The following POLR3A variants were observed in gnomAD, a reference collection of about 807,000 sequenced individuals.
POLR3A encodes the protein DNA-directed RNA polymerase III subunit RPC1.
Under a neutral mutation model 152.8 loss-of-function variants are expected in POLR3A, and 112 were observed. That is an observed-to-expected ratio of 0.73 (90% CI 0.63 to 0.86). The LOEUF (loss-of-function observed/expected upper bound fraction) is 0.86, where lower values mean the gene tolerates loss of function less well. Ranked by LOEUF, POLR3A falls within the 40% of genes least tolerant of loss-of-function variation. The pLI is 0.00. For missense variants in POLR3A, 1,385 were observed against 1,743.1 expected, an observed-to-expected ratio of 0.79 and a Z score of 3.66; for synonymous variants, 615 against 652.1, an observed-to-expected ratio of 0.94 and a Z score of 0.87.
At chr10:78,007,679 A>G in intron 15 of POLR3A, 23 bp downstream of exon 15, 1 of 1,609,172 alleles carries the variant, frequency 6.2e-7, no homozygotes, top group South Asian at 1.1e-5. Context: ...CTTTAACTAA[A>G]AGAAGGATGC....
At chr10:77,992,438 C>CTTTTTTTTTTTTTTTTTTTTTTTTT (rs71030926) in intron 20 of POLR3A, among the ~76,000 whole-genome samples, 3 of 76,540 alleles carry the variant, frequency 3.9e-5, no homozygotes, top group African/African-American at 5.2e-5. Flanking sequence ...CTGGCTAATT[C>CTTTTTTTTTTTTTTTTTTTTTTTTT]TTTTTTTTTT....
At chr10:77,982,541 G>A in intron 27 of POLR3A, 112 bp downstream of exon 27, 1 of 1,040,748 alleles carries the variant, frequency 9.6e-7, no homozygotes, top group Non-Finnish European at 1.5e-6. Flanking sequence ...TGGGGATAAG[G>A]CCAAGAAGAA....
At chr10:77,993,151 A>C (rs1408718577) in intron 20 of POLR3A, 46 bp downstream of exon 20, 2 of 1,466,322 alleles carry the variant, frequency 1.4e-6, no homozygotes, top group Non-Finnish European at 1.9e-6. Context: ...TCCTAAAGAA[A>C]CATCCTTAAA....
chr10:77,980,306 T>A, intron 29 of POLR3A, 33 bp from the exon 30 acceptor site: 1 of 1,611,570 alleles, frequency 6.2e-7, no homozygotes, highest in Non-Finnish European at 8.5e-7. Flanking sequence ...ACGGTGGTAC[T>A]CACACCAATG....
chr10:78,000,350 G>A (rs1259416651), intron 18 of POLR3A, among the ~76,000 whole-genome samples: 1 of 152,228 alleles, frequency 6.6e-6, no homozygotes, highest in South Asian at 2.1e-4. Flanking sequence ...TGGCAGGCAA[G>A]TGGCCCAAGA....
At chr10:78,004,560 C>T (rs1847391887) in intron 16 of POLR3A, among the ~76,000 whole-genome samples, 156 bp downstream of exon 16, 1 of 152,134 alleles carries the variant, frequency 6.6e-6, no homozygotes, top group South Asian at 2.1e-4. Context: ...CGAGGACATA[C>T]ACAGTGAGCC....
chr10:77,994,537 G>T (rs548569055), intron 19 of POLR3A, among the ~76,000 whole-genome samples: 3 of 151,194 alleles, frequency 2.0e-5, no homozygotes, highest in Non-Finnish European at 4.4e-5. Flanking sequence ...TAGCCAATGC[G>T]ATCAACTGGA....
chr10:77,980,102 A>T, intron 30 of POLR3A, 39 bp downstream of exon 30: 1 of 1,594,326 alleles, frequency 6.3e-7, no homozygotes, highest in Non-Finnish European at 8.6e-7. Flanking sequence ...TGTAAATAGT[A>T]AAGGCCTTTG....
intron 28 of POLR3A, 61 bp from the exon 29 acceptor site, chr10:77,981,620 C>G (rs1437128430): frequency 1.3e-6 from 2 of 1,576,326 alleles, no homozygotes; most frequent in Non-Finnish European, 1.7e-6. Context: ...CAAATTCTCT[C>G]CACTTTCTCC....
rs557203539 is a variant in POLR3A, at chr10:77,984,259, G to T, written c.3282C>A (p.Asp1094Glu). 5 of 1,613,186 alleles carry T rather than the reference G, an allele frequency of 3.1e-6. No individual in the cohort carries two copies. In the South Asian group the frequency reaches 4.4e-5, roughly 14 times the overall value. ...IITAQLDKDD[D>E]ADYARLVKGR... is the part of the protein sequence containing the mutation. ...CTTTCACGAGGCGAGCATAATCCGC[G>T]TCGTCATCCTTGTCTAGCTGTGCTG... Residue 1094 changes from aspartate (D) to glutamate (E), a missense_variant, in exon 25 of 31, where the codon GAC becomes GAA. By Grantham distance (45) the Asp-to-Glu change is conservative. Around this residue, in one of 7 missense-constraint regions of POLR3A, gnomAD observed 332 missense variants for 400.1 expected, o/e 0.83. Coordinates refer to ENST00000372371, the MANE Select transcript of POLR3A (RefSeq NM_007055.4).
intron 16 of POLR3A, among the ~76,000 whole-genome samples, chr10:78,002,658 A>C (rs1847368847): frequency 1.3e-5 from 2 of 152,136 alleles, no homozygotes; most frequent in Non-Finnish European, 2.9e-5. Context: ...CAGACCCCTG[A>C]GTAGCTAGGA....
Position 78,009,639 on chromosome 10 carries a change from C to A in POLR3A, c.1807G>T (p.Val603Phe). ...TTGTCATCGCTAGGCCTGAGGATGA[C>A]ACTGAAGATCTGCTTTCCCGTCCAC... ...TLWTGKQIFS[V>F]ILRPSDDNPV... The change falls in exon 14 of 31, where the codon GTC (valine) becomes TTC (phenylalanine). Residue 603 changes from valine (V) to phenylalanine (F), a missense_variant. Transcript: ENST00000372371. 1 of 1,614,172 alleles carries A rather than the reference C, an allele frequency of 6.2e-7. No individual in the cohort carries two copies. The highest frequency in any genetic ancestry group is 8.5e-7 in the Non-Finnish European group (1 of 1,180,034).
chr10:78,009,186 C>T (rs955687972), intron 14 of POLR3A, among the ~76,000 whole-genome samples: 1 of 149,104 alleles, frequency 6.7e-6, no homozygotes, highest in Non-Finnish European at 1.5e-5. Flanking sequence ...AAATTAAATG[C>T]CTTAAATAGT....
chr10:77,991,237 C>G (rs1847245512), intron 20 of POLR3A, 70 bp from the exon 21 acceptor site: 4 of 869,320 alleles, frequency 4.6e-6, no homozygotes, highest in South Asian at 1.3e-5. Context: ...GATGAGAGAA[C>G]TTACAAAGGA....
chr10:78,020,963 T>C (rs978012531), intron 8 of POLR3A, among the ~76,000 whole-genome samples: 2 of 152,264 alleles, frequency 1.3e-5, no homozygotes, highest in East Asian at 3.9e-4. Flanking sequence ...TGAACCAACA[T>C]AGAAAAGTGT....
In POLR3A at chr10:78,021,257, A is replaced by G. The variant is rs112173727; in HGVS notation, c.1185+289T>C. On this transcript the variant is annotated intron_variant, in intron 8 of 30. Transcript: ENST00000372371. Reference sequence around the variant, plus strand: ...ATTGGGATTACAGGCATTAGCCACCATGCTCGGTCAAGATGTTATTAATTG... The same window carrying G: ...ATTGGGATTACAGGCATTAGCCACCGTGCTCGGTCAAGATGTTATTAATTG... Among the ~76,000 whole-genome samples, 3,191 of 152,290 alleles carry G rather than the reference A, an allele frequency of 0.021. 113 individuals carry two copies. Among genetic ancestry groups the G allele is most frequent in the African/African-American group, 0.072 (2,976 of 41,556 alleles).
At chr10:78,010,663 G>A in intron 11 of POLR3A, 123 bp from the exon 12 acceptor site, 1 of 753,640 alleles carries the variant, frequency 1.3e-6, no homozygotes. Context: ...ACGAGGCTGA[G>A]AAATGAAAGC....
chr10:78,020,469 G>A (rs990708171), intron 8 of POLR3A, among the ~76,000 whole-genome samples: 9 of 151,686 alleles, frequency 5.9e-5, no homozygotes, highest in Non-Finnish European at 1.3e-4. Flanking sequence ...CGGCCTGGGT[G>A]ACAGGGCGAG....
rs1184852442 is a variant in POLR3A, at chr10:78,001,094, C to A, written c.2360G>T (p.Gly787Val). The A allele has an allele frequency of 6.6e-7, 1 of 1,519,608 alleles. No homozygotes were observed. The highest frequency in any genetic ancestry group is 9.1e-7 in the Non-Finnish European group (1 of 1,094,784). The allele number at this position is 1,519,608 out of a possible 1,614,324, so 94.1% of individuals were successfully genotyped here. The change falls in exon 18 of 31, where the codon GGT becomes GTT. Residue 787 changes from glycine to valine, a missense_variant and splice_region_variant. By Grantham distance (109) the Gly-to-Val change is moderately radical. Around this residue, in one of 7 missense-constraint regions of POLR3A, gnomAD observed 170 missense variants for 231.2 expected, o/e 0.74. Coordinates refer to ENST00000372371, the MANE Select transcript of POLR3A (RefSeq NM_007055.4). ...PLTMALCGSK[G>V]SFINISQMIA... Reference sequence around the variant, plus strand: ...CATCTGTGATATGTTAATGAAGGAACCTGGGGACATGGACCAGAAATGTAA... The same window carrying A: ...CATCTGTGATATGTTAATGAAGGAAACTGGGGACATGGACCAGAAATGTAA...
Sources: gnomAD v4.1 joint callset for allele counts (sites outside exome capture counted in the v4.1 genomes callset) on GRCh38, gnomAD v4.1.1 for gene constraint, gnomAD v4.1.1 regional missense constraint, MANE v1.5 for transcripts, NCBI Gene and HGNC (gene_info 2026-07-23, HGNC 2026-07-21) for gene names.